DNAJC13: variants seen among roughly 807,000 people sequenced by gnomAD.
DNAJC13 encodes DnaJ heat shock protein family (Hsp40) member C13, also known as dnaJ homolog subfamily C member 13.
Under a neutral mutation model 290.5 loss-of-function variants are expected in DNAJC13, and 75 were observed. The observed-to-expected ratio is 0.26, with a 90% CI of 0.21 to 0.31. DNAJC13 has a LOEUF of 0.31. Ranked by LOEUF, DNAJC13 falls within the 10% of genes least tolerant of loss-of-function variation. DNAJC13 has a pLI of 1.00. For missense variants in DNAJC13, 2,260 were observed against 2,674.5 expected, an observed-to-expected ratio of 0.85 and a Z score of 3.42; for synonymous variants, 862 against 892.0, an observed-to-expected ratio of 0.97 and a Z score of 0.60.
chr3:132,469,961 TTC>T (rs1297971566), intron 20 of DNAJC13, among the ~76,000 whole-genome samples: 1 of 71,074 alleles, frequency 1.4e-5, no homozygotes, highest in Non-Finnish European at 2.5e-5. Context: ...GGAGCAGAGA[TTC>T]TTTTTTTTTT....
At chr3:132,526,048 C>CT (rs1222066177) in intron 52 of DNAJC13, 93 bp from the exon 53 acceptor site, 8 of 1,483,004 alleles carry the variant, frequency 5.4e-6, no homozygotes, top group South Asian at 1.4e-5. Flanking sequence ...GTAAGGGATT[C>CT]TTTTTTTACT....
At chr3:132,483,124 C>G (rs1171073240) in intron 27 of DNAJC13, among the ~76,000 whole-genome samples, 1 of 152,056 alleles carries the variant, frequency 6.6e-6, no homozygotes, top group South Asian at 2.1e-4. Context: ...TTTAGCACCC[C>G]ACCTGTCATT....
chr3:132,499,757 C>T lies in DNAJC13; in HGVS notation c.4365C>T (p.Arg1455=), dbSNP rs199774388. 1.9e-4 allele frequency: 310 copies of T among 1,614,160 alleles called. No individual in the cohort carries two copies. Among genetic ancestry groups the T allele is most frequent in the South Asian group, 2.2e-5 (2 of 91,084 alleles). ...GLEVLQEAFS[R]CVAVLTRASK... ...AGGTGTTACAAGAGGCATTTAGTCG[C>T]TGTGTGGCTGTCTTGACTCGTGCTA... Residue 1455 remains arginine, a synonymous_variant, in exon 38 of 56, where the codon CGC becomes CGT. Transcript: ENST00000260818.
At chr3:132,463,845 A>G (rs775269553) in intron 17 of DNAJC13, 28 bp downstream of exon 17, 40 of 1,598,086 alleles carry the variant, frequency 2.5e-5, no homozygotes, top group Non-Finnish European at 1.8e-5. Flanking sequence ...ATTTGCTGCA[A>G]TTTAACTTCC....
rs1204682360 is a variant in DNAJC13, at chr3:132,516,353, C to T, written c.5486-69C>T. The T allele has an allele frequency of 2.8e-6, 4 of 1,440,836 alleles. No individual in the cohort carries two copies. In the African/African-American group the frequency reaches 5.6e-5, roughly 20 times the overall value. 89.3% of individuals were successfully genotyped at this position (1,440,836 alleles called of 1,614,324 possible). On this transcript the variant is annotated intron_variant, in intron 46 of 55. Coordinates refer to ENST00000260818, the MANE Select transcript of DNAJC13 (RefSeq NM_015268.4). ...AGAACATCTAGTTAAGTGCCTGGCACAGAGCTGGTGCCAAGTAAATATAAG... is the reference window on the plus strand; with the variant it reads ...AGAACATCTAGTTAAGTGCCTGGCATAGAGCTGGTGCCAAGTAAATATAAG...
intron 51 of DNAJC13, 32 bp downstream of exon 51, chr3:132,523,745 A>G (rs776612008): frequency 6.3e-7 from 1 of 1,596,578 alleles, no homozygotes; most frequent in Non-Finnish European, 8.5e-7. Context: ...AACATTTCAA[A>G]GACTTGGCTA....
chr3:132,524,000 C>T (rs941956946), intron 51 of DNAJC13: 1 of 269,880 alleles, frequency 3.7e-6, no homozygotes, highest in Non-Finnish European at 6.9e-6. Flanking sequence ...CTGTCCATCT[C>T]TAATGAATAT....
Position 132,491,064 on chromosome 3 carries a change from T to C in DNAJC13, c.3623+13T>C, listed in dbSNP as rs948827427. The C allele has an allele frequency of 2.5e-6, 4 of 1,579,230 alleles. No individual in the cohort carries two copies. The highest frequency in any genetic ancestry group is 1.4e-5 in the African/African-American group (1 of 73,022). On this transcript the variant is annotated intron_variant, in intron 32 of 55. Coordinates refer to ENST00000260818, the MANE Select transcript of DNAJC13 (RefSeq NM_015268.4). ...GCAGTGAAATGAGGTAAATAACCAGTTGACTGATTGATTTGTATTTTATAA... is the reference window on the plus strand; with the variant it reads ...GCAGTGAAATGAGGTAAATAACCAGCTGACTGATTGATTTGTATTTTATAA...
At position 132,475,204 on chromosome 3, in the gene DNAJC13, A is replaced by G. The variant is rs577110387; in HGVS notation, c.2445+119A>G. ...TCTGGTCTTTACCTTTCCCCCTTTA[A>G]TGTTATGTAGGAAATACTGGAAAAC... On this transcript the variant is annotated intron_variant, in intron 22 of 55. Transcript: ENST00000260818. The G allele has an allele frequency of 1.6e-4, 110 of 678,068 alleles. No homozygotes were observed. The African/African-American group carries it at 1.8e-3, about 11-fold the overall frequency. The allele number at this position is 678,068 out of a possible 1,614,324, so 42.0% of individuals were successfully genotyped here. A position where few individuals can be genotyped will look rare whatever the true frequency, so the allele number is the denominator to read the frequency against.
At chr3:132,456,861 C>T (rs751958152) in intron 12 of DNAJC13, 29 bp downstream of exon 12, 1 of 1,606,654 alleles carries the variant, frequency 6.2e-7, no homozygotes, top group Non-Finnish European at 8.5e-7. Flanking sequence ...CTTAACTTCT[C>T]TTAGAGAATT....
intron 2 of DNAJC13, among the ~76,000 whole-genome samples, chr3:132,443,202 G>A (rs536172872): frequency 5.3e-5 from 8 of 152,212 alleles, no homozygotes; most frequent in Admixed American, 5.2e-4. Flanking sequence ...ATCTAGGCTG[G>A]AATACAGTGG....
At chr3:132,516,124 A>G (rs959803395) in intron 46 of DNAJC13, among the ~76,000 whole-genome samples, 1 of 152,178 alleles carries the variant, frequency 6.6e-6, no homozygotes, top group African/African-American at 2.4e-5. Context: ...TGTGCAGTGC[A>G]CAATGAGGTA....
chr3:132,523,240 T>G, intron 50 of DNAJC13, 41 bp downstream of exon 50: 1 of 1,607,386 alleles, frequency 6.2e-7, no homozygotes, highest in African/African-American at 1.3e-5. Flanking sequence ...TTCTGTTGAT[T>G]TAGTTGTTTT....
intron 22 of DNAJC13, among the ~76,000 whole-genome samples, chr3:132,476,207 G>A (rs1223883433): frequency 6.6e-6 from 1 of 152,074 alleles, no homozygotes; most frequent in Non-Finnish European, 1.5e-5. Context: ...TTTAGCCCTA[G>A]ACTTCATACT....
chr3:132,439,743 A>T (rs1321284518), intron 2 of DNAJC13, among the ~76,000 whole-genome samples: 1 of 152,196 alleles, frequency 6.6e-6, no homozygotes, highest in Non-Finnish European at 1.5e-5. Context: ...TATTTCTTCT[A>T]AAGCTCTTAC....
intron 19 of DNAJC13, 116 bp downstream of exon 19, chr3:132,466,510 GTATACT>G: frequency 1.4e-6 from 1 of 730,914 alleles, no homozygotes; most frequent in Non-Finnish European, 2.0e-6. Context: ...GCATTGAATA[GTATACT>G]TAACTATTGA....
chr3:132,516,391 T>TG, intron 46 of DNAJC13, 31 bp from the exon 47 acceptor site: 4 of 1,607,348 alleles, frequency 2.5e-6, no homozygotes, highest in Non-Finnish European at 3.4e-6. Context: ...AACCTGATGA[T>TG]GCATTCCTTG....
rs1434976630 is a variant in DNAJC13, at chr3:132,528,479, C to T, written c.6525+147C>T. ...GATCCAGAGCCCAAGGATGGACTTG[C>T]ATACCTGCCTCATAACTGATGAAAA... On this transcript the variant is annotated intron_variant, in intron 54 of 55. Transcript: ENST00000260818. 3.4e-5 allele frequency: 31 copies of T among 905,576 alleles called. No individual in the cohort carries two copies. In the East Asian group the frequency reaches 7.3e-4, roughly 21 times the overall value. 56.1% of individuals were successfully genotyped at this position (905,576 alleles called of 1,614,324 possible).
chr3:132,462,499 G>A lies in DNAJC13; in HGVS notation c.1746G>A (p.Gly582=). 6.2e-7 allele frequency: 1 copy of A among 1,610,354 alleles called. No homozygotes were observed. Among genetic ancestry groups the A allele is most frequent in the South Asian group, 1.1e-5 (1 of 90,196 alleles). ...CCATGGCAATAATAAAAGGAGCTGG[G>A]TTGGTTATGAAGGCAATAATAGAGG... ...HPSMAIIKGA[G]LVMKAIIEEG... Residue 582 remains glycine (G), a synonymous_variant, in exon 16 of 56, where the codon GGG becomes GGA. Coordinates refer to ENST00000260818, the MANE Select transcript of DNAJC13 (RefSeq NM_015268.4).
Sources: allele counts gnomAD v4.1 joint callset (sites outside exome capture counted in the v4.1 genomes callset), GRCh38; gene constraint gnomAD v4.1.1; transcripts MANE v1.5; gene names NCBI Gene and HGNC (gene_info 2026-07-23, HGNC 2026-07-21).